Variants in IFT80 observed in about 807,000 individuals in gnomAD.
IFT80 encodes the protein intraflagellar transport protein 80 homolog.
In IFT80, 79 loss-of-function variants were observed where a neutral mutation model predicts 107.9. That is an observed-to-expected ratio of 0.73 (90% CI 0.61 to 0.88). The LOEUF is 0.88. Among genes scored for constraint, IFT80 ranks in the 40% least tolerant of loss-of-function variants. IFT80 has a pLI of 0.00. For missense variants in IFT80, 797 were observed against 914.2 expected (o/e 0.87, Z 1.65); for synonymous variants, 299 against 300.9 (o/e 0.99, Z 0.07).
intron 8 of IFT80, among the ~76,000 whole-genome samples, chr3:160,342,468 A>G (rs538452911): frequency 2.0e-5 from 3 of 152,300 alleles, no homozygotes; most frequent in South Asian, 4.1e-4. Context: ...CATGCAGGTT[A>G]TTTCCCAACA....
intron 1 of IFT80, among the ~76,000 whole-genome samples, chr3:160,388,968 C>T (rs1204364498): frequency 6.6e-6 from 1 of 152,224 alleles, no homozygotes; most frequent in Non-Finnish European, 1.5e-5. Flanking sequence ...TAGAAAGAAA[C>T]ACAGTTCTGT....
At chr3:160,302,446 C>G (rs562209926) in intron 11 of IFT80, among the ~76,000 whole-genome samples, 11 of 151,982 alleles carry the variant, frequency 7.2e-5, no homozygotes, top group Non-Finnish European at 1.3e-4. Flanking sequence ...ATTCCTTTGT[C>G]TCAGTCTAAA....
Position 160,280,685 on chromosome 3 carries a change from A to C in IFT80, c.1646T>G (p.Leu549Ter), listed in dbSNP as rs2108231355. 6.2e-7 allele frequency: 1 copy of C among 1,612,356 alleles called. No homozygotes were observed. Among genetic ancestry groups the C allele is most frequent in the East Asian group, 2.2e-5 (1 of 44,768 alleles). ...YVDRDILPKTLYERDASEFSK... is the reference protein window; with the variant it reads ...YVDRDILPKT ...ATGTTACCTTGCATCCCTTTCATAT[A>C]ATGTTTTAGGCAAAATGTCTCTGTC... is the stretch of plus-strand genomic sequence containing the variant. Residue 549 changes from leucine to a stop codon, truncating the protein, a stop_gained, in exon 15 of 20, where the codon TTA becomes TGA. Coordinates refer to ENST00000326448, the MANE Select transcript of IFT80 (RefSeq NM_020800.3). LOFTEE classifies it high-confidence loss of function.
chr3:160,347,491 A>G (rs914102083), intron 8 of IFT80, among the ~76,000 whole-genome samples: 37 of 152,196 alleles, frequency 2.4e-4, no homozygotes, highest in Non-Finnish European at 4.6e-4. Context: ...GCTTTATTGC[A>G]TCTGTATAAC....
intron 12 of IFT80, among the ~76,000 whole-genome samples, chr3:160,292,800 A>G (rs1375131588): frequency 6.6e-6 from 1 of 152,060 alleles, no homozygotes; most frequent in Non-Finnish European, 1.5e-5. Flanking sequence ...ATGGCAAAAC[A>G]CTTTTTTCTT....
At chr3:160,322,625 G>T (rs1218310938) in intron 8 of IFT80, among the ~76,000 whole-genome samples, 2 of 151,974 alleles carry the variant, frequency 1.3e-5, no homozygotes, top group African/African-American at 2.4e-5. Context: ...ACTTCCACAA[G>T]GGTTGAACTA....
At chr3:160,299,250 C>T in intron 12 of IFT80, 14 of 1,156,192 alleles carry the variant, frequency 1.2e-5, no homozygotes, top group South Asian at 1.8e-5. Context: ...AAAAAAATTA[C>T]CAAAAGTCTT....
chr3:160,376,003 A>C, intron 4 of IFT80, 123 bp from the exon 5 acceptor site: 1 of 664,824 alleles, frequency 1.5e-6, no homozygotes, highest in Non-Finnish European at 2.7e-6. Context: ...GGCTTCCTGA[A>C]ATCATGGAAT....
intron 8 of IFT80, among the ~76,000 whole-genome samples, chr3:160,336,743 T>C (rs949328709): frequency 3.9e-5 from 6 of 152,194 alleles, no homozygotes; most frequent in Admixed American, 3.3e-4. Context: ...TCCATATATC[T>C]GTGCCTTTCA....
intron 5 of IFT80, 92 bp from the exon 6 acceptor site, chr3:160,366,244 A>G: frequency 1.1e-6 from 1 of 880,072 alleles, no homozygotes; most frequent in Non-Finnish European, 1.9e-6. Context: ...CAAAAAAGCC[A>G]TATGAGGTGT....
intron 18 of IFT80, among the ~76,000 whole-genome samples, chr3:160,271,899 G>A (rs996420989): frequency 6.7e-6 from 1 of 150,170 alleles, no homozygotes; most frequent in Non-Finnish European, 1.5e-5. Context: ...ACTACAGCCA[G>A]TCATTACAAA....
Position 160,339,351 on chromosome 3 carries a change from C to G in IFT80, c.777+16662G>C, listed in dbSNP as rs73875256. On this transcript the variant is annotated intron_variant, in intron 8 of 19. Transcript: ENST00000326448. ...ATCAATACCAAAATGTAAAAAATGT[C>G]CAAAGACAAAAACTTGGAAGGTAGA... Among the ~76,000 whole-genome samples the G allele has an allele frequency of 4.3e-3, 648 of 152,072 alleles. 1 individual carries two copies. Among genetic ancestry groups the G allele is most frequent in the African/African-American group, 0.011 (447 of 41,498 alleles).
intron 10 of IFT80, 87 bp from the exon 11 acceptor site, chr3:160,304,076 G>C: frequency 3.4e-6 from 3 of 879,828 alleles, no homozygotes; most frequent in Non-Finnish European, 5.6e-6. Context: ...TTTAAATAAA[G>C]TTACTTCAGT....
At chr3:160,305,635 C>T (rs1716780863) in intron 10 of IFT80, among the ~76,000 whole-genome samples, 1 of 151,924 alleles carries the variant, frequency 6.6e-6, no homozygotes, top group Non-Finnish European at 1.5e-5. Flanking sequence ...GCTATAAATG[C>T]TGAATAGGAC....
intron 18 of IFT80, among the ~76,000 whole-genome samples, chr3:160,273,394 G>A (rs202132017): frequency 6.6e-6 from 1 of 152,008 alleles, no homozygotes; most frequent in African/African-American, 2.4e-5. Flanking sequence ...AAGAGACAGA[G>A]TAGATATAGG....
At chr3:160,310,282 A>G (rs1717149042) in intron 9 of IFT80, among the ~76,000 whole-genome samples, 1 of 152,250 alleles carries the variant, frequency 6.6e-6, no homozygotes, top group Admixed American at 6.5e-5. Context: ...CCAACTGGCC[A>G]AAGATGAGAC....
chr3:160,292,239 C>G (rs1342836323), intron 12 of IFT80, among the ~76,000 whole-genome samples: 3 of 152,168 alleles, frequency 2.0e-5, no homozygotes, highest in Non-Finnish European at 4.4e-5. Flanking sequence ...TGATTTGGAC[C>G]ACCTAGTCAC....
intron 5 of IFT80, among the ~76,000 whole-genome samples, chr3:160,372,945 T>C (rs951264898): frequency 2.0e-5 from 3 of 152,144 alleles, no homozygotes; most frequent in Non-Finnish European, 2.9e-5. Context: ...AAATAAACAC[T>C]GCACACAAAA....
At chr3:160,369,821 AGT>A (rs1337731053) in intron 5 of IFT80, among the ~76,000 whole-genome samples, 1 of 152,068 alleles carries the variant, frequency 6.6e-6, no homozygotes, top group African/African-American at 2.4e-5. Flanking sequence ...TATAATAAAT[AGT>A]TTTTTACTTT....
Sources: allele counts gnomAD v4.1 joint callset (sites outside exome capture counted in the v4.1 genomes callset), GRCh38; gene constraint gnomAD v4.1.1; transcripts MANE v1.5; gene names NCBI Gene and HGNC (gene_info 2026-07-23, HGNC 2026-07-21).